The following USP43 variants were observed in gnomAD, a reference collection of about 807,000 sequenced individuals.
USP43 encodes ubiquitin specific peptidase 43.
A neutral mutation model predicts 90.7 loss-of-function variants in USP43; 33 were observed. The ratio of observed to expected loss-of-function variants is 0.36; its 90% CI spans 0.28 to 0.49. USP43 has a LOEUF of 0.49. Ranked by LOEUF, USP43 falls within the 20% of genes least tolerant of loss-of-function variation. USP43 has a pLI of 0.98. For missense variants in USP43, 1,274 were observed against 1,476.4 expected (o/e 0.86, Z 2.25); for synonymous variants, 598 against 615.8 (o/e 0.97, Z 0.43).
At chr17:9,706,218 C>A (rs1915869355) in intron 12 of USP43, among the ~76,000 whole-genome samples, 1 of 152,180 alleles carries the variant, frequency 6.6e-6, no homozygotes, top group Non-Finnish European at 1.5e-5. Context: ...TTTCTAGATG[C>A]TCTAATTCTT....
Position 9,700,234 on chromosome 17 carries a change from G to C in USP43, c.1520G>C (p.Ser507Thr). 6.2e-7 allele frequency: 1 copy of C among 1,601,114 alleles called. No homozygotes were observed. Among genetic ancestry groups the C allele is most frequent in the Non-Finnish European group, 8.5e-7 (1 of 1,174,178 alleles). Residue 507 changes from serine to threonine, a missense_variant, in exon 10 of 15, where the codon AGC becomes ACC. Transcript: ENST00000285199. ...PHVKLAVEWDSSVKERLFGSL... is the reference protein window; with the variant it reads ...PHVKLAVEWDTSVKERLFGSL... ...GTCAAGCTGGCGGTGGAGTGGGATA[G>C]CTCTGTCAAGGAGCGGTGAGTTCAA...
At chr17:9,705,753 C>CA (rs376060880) in intron 12 of USP43, among the ~76,000 whole-genome samples, 1,786 of 89,366 alleles carry the variant, frequency 0.02, 15 homozygotes, top group South Asian at 0.11. Flanking sequence ...GACTCTGTCT[C>CA]AAAAAAAAAA....
intron 14 of USP43, among the ~76,000 whole-genome samples, chr17:9,718,241 A>T (rs940233259): frequency 1.3e-5 from 2 of 152,172 alleles, no homozygotes; most frequent in Non-Finnish European, 2.9e-5. Flanking sequence ...GTTTAGTTAT[A>T]TGTTGTTTTG....
At chr17:9,678,403 C>T (rs1046766869) in intron 5 of USP43, among the ~76,000 whole-genome samples, 5 of 152,212 alleles carry the variant, frequency 3.3e-5, no homozygotes, top group Admixed American at 2.6e-4. Context: ...TGTCGCCAGG[C>T]TGGAGTGCAG....
chr17:9,682,716 T>C, intron 6 of USP43, 107 bp from the exon 7 acceptor site: 1 of 1,416,602 alleles, frequency 7.1e-7, no homozygotes, highest in East Asian at 2.4e-5. Flanking sequence ...CCCCCATTGG[T>C]GGTTAATAGA....
intron 4 of USP43, among the ~76,000 whole-genome samples, chr17:9,675,621 A>G (rs561078226): frequency 1.3e-5 from 2 of 151,738 alleles, no homozygotes; most frequent in Non-Finnish European, 1.5e-5. Context: ...TATGTTCCCC[A>G]CCTCCTTAAG....
At chr17:9,657,520 A>G (rs1912347343) in intron 2 of USP43, among the ~76,000 whole-genome samples, 1 of 152,026 alleles carries the variant, frequency 6.6e-6, no homozygotes, top group Non-Finnish European at 1.5e-5. Flanking sequence ...GAAAAGAAAA[A>G]AAAGGAGACA....
At chr17:9,727,816 C>G in intron 14 of USP43, 138 bp from the exon 15 acceptor site, 1 of 923,526 alleles carries the variant, frequency 1.1e-6, no homozygotes, top group Non-Finnish European at 1.6e-6. Context: ...GGCAGGAACC[C>G]TATGTGGCTT....
At chr17:9,722,290 T>C (rs923562760) in intron 14 of USP43, among the ~76,000 whole-genome samples, 1 of 152,156 alleles carries the variant, frequency 6.6e-6, no homozygotes, top group Non-Finnish European at 1.5e-5. Context: ...CCTGCTATCA[T>C]TTTGCCCCTC....
At position 9,726,387 on chromosome 17, in the gene USP43, C is replaced by G. The variant is rs573340504; in HGVS notation, c.2336-1567C>G. Among the ~76,000 whole-genome samples the G allele has an allele frequency of 7.2e-5, 11 of 152,246 alleles. No homozygotes were observed. The South Asian group carries it at 1.2e-3, about 17-fold the overall frequency. ...TTTGGAGCTTCTCTGTTTCATTGTT[C>G]ATTCAGGCTGTTAGAACAGAATACC... On this transcript the variant is annotated intron_variant, in intron 14 of 14. Transcript: ENST00000285199.
intron 14 of USP43, among the ~76,000 whole-genome samples, chr17:9,718,362 T>A (rs1916729822): frequency 1.3e-5 from 2 of 152,196 alleles, no homozygotes; most frequent in South Asian, 4.1e-4. Flanking sequence ...ATAGAGATGA[T>A]GATAGGATCT....
In USP43 at chr17:9,673,504, G is replaced by A. The variant is rs548706507; in HGVS notation, c.741-1387G>A. Among the ~76,000 whole-genome samples, 15 of 152,132 alleles carry A rather than the reference G, an allele frequency of 9.9e-5. No individual in the cohort carries two copies. In the East Asian group the frequency reaches 1.9e-3, roughly 20 times the overall value. On this transcript the variant is annotated intron_variant, in intron 3 of 14. Transcript: ENST00000285199. The stretch of plus-strand genomic sequence containing the variant: ...AGCCCGGGTGACAGTGCGAGACTCC[G>A]TCTCCAAAAACAAACAAAAAAAAGT...
intron 1 of USP43, among the ~76,000 whole-genome samples, chr17:9,652,392 C>T (rs764344186): frequency 1.0e-4 from 15 of 150,230 alleles, no homozygotes; most frequent in Admixed American, 4.0e-4. Context: ...GATGGAGTCT[C>T]GCTCTGTTGC....
At chr17:9,652,454 C>T (rs551766031) in intron 1 of USP43, among the ~76,000 whole-genome samples, 117 of 151,968 alleles carry the variant, frequency 7.7e-4, no homozygotes, top group African/African-American at 2.1e-3. Context: ...CTCCGCCTCC[C>T]GGGTTCAAGT....
At chr17:9,680,474 C>A in intron 6 of USP43, 108 bp downstream of exon 6, 1 of 1,294,008 alleles carries the variant, frequency 7.7e-7, no homozygotes, top group Non-Finnish European at 1.1e-6. Context: ...GCACTTGGAA[C>A]AGTCAGACTT....
intron 2 of USP43, among the ~76,000 whole-genome samples, chr17:9,663,122 G>A (rs1271610731): frequency 3.5e-5 from 5 of 141,884 alleles, no homozygotes; most frequent in Non-Finnish European, 7.8e-5. Flanking sequence ...TCAGCCTTAT[G>A]TTTTATATAT....
At position 9,720,365 on chromosome 17, in the gene USP43, C is replaced by CTTT. The variant is rs375103424; in HGVS notation, c.2336-7577_2336-7575dup. The stretch of plus-strand genomic sequence containing the variant: ...AGAAAGAAAGAAAAGAAAAATCCAG[C>CTTT]TTTTTTTTTTTTTTAATTCTTACTA... On this transcript the variant is annotated intron_variant, in intron 14 of 14. Transcript: ENST00000285199. 8.6e-3 allele frequency among the ~76,000 whole-genome samples: 1,153 copies of CTTT among 134,140 alleles called. 21 individuals carry two copies. The highest frequency in any genetic ancestry group is 0.03 in the African/African-American group (1,104 of 36,530). The allele number at this position is 134,140 out of a possible 152,430, so 88.0% of individuals were successfully genotyped here. A position where few individuals can be genotyped will look rare whatever the true frequency, so the allele number is the denominator to read the frequency against.
chr17:9,675,318 T>C lies in USP43; in HGVS notation c.833+335T>C, dbSNP rs142581634. 3.3e-3 allele frequency among the ~76,000 whole-genome samples: 498 copies of C among 152,252 alleles called. 2 individuals carry two copies. Among genetic ancestry groups the C allele is most frequent in the African/African-American group, 0.011 (468 of 41,528 alleles). On this transcript the variant is annotated intron_variant, in intron 4 of 14. Transcript: ENST00000285199. ...AAATCCGTGGCCACCTGCTTTTTTT[T>C]CCCCAGCTTTACTTCAACTTCAAAA...
chr17:9,727,054 C>A (rs1458536485), intron 14 of USP43, among the ~76,000 whole-genome samples: 1 of 152,010 alleles, frequency 6.6e-6, no homozygotes, highest in Non-Finnish European at 1.5e-5. Flanking sequence ...GCAACCTCCA[C>A]CTCCACCTCC....
Sources: allele counts gnomAD v4.1 joint callset (sites outside exome capture counted in the v4.1 genomes callset), GRCh38; gene constraint gnomAD v4.1.1; transcripts MANE v1.5; gene names NCBI Gene and HGNC (gene_info 2026-07-23, HGNC 2026-07-21).